SGSM3: variants seen among roughly 807,000 people sequenced by gnomAD.
The protein encoded by SGSM3 is RUN and SH3 containing 3.
A neutral mutation model predicts 100.5 loss-of-function variants in SGSM3; 96 were observed. The ratio of observed to expected loss-of-function variants is 0.96; its 90% CI spans 0.81 to 1.13. SGSM3 has a LOEUF of 1.13. SGSM3 is among the 50% of genes most tolerant of loss of function. The pLI is 0.00. For synonymous variants in SGSM3, 483 were observed against 422.8 expected, an observed-to-expected ratio of 1.14 and a Z score of -1.75; for missense variants, 1,001 against 1,015.8, an observed-to-expected ratio of 0.99 and a Z score of 0.20.
intron 1 of SGSM3, among the ~76,000 whole-genome samples, chr22:40,398,380 A>C (rs1299233468): frequency 1.4e-5 from 2 of 141,104 alleles, no homozygotes; most frequent in Non-Finnish European, 3.1e-5. Flanking sequence ...CTGATGAATG[A>C]ATGAGTGGGA....
intron 1 of SGSM3, among the ~76,000 whole-genome samples, chr22:40,393,797 C>G (rs1168840255): frequency 2.0e-5 from 3 of 152,226 alleles, no homozygotes; most frequent in East Asian, 1.9e-4. Context: ...CTCCTTCCGT[C>G]AAGCCCCTTT....
At chr22:40,389,916 G>GAAAAAAAAA (rs34606137) in intron 1 of SGSM3, among the ~76,000 whole-genome samples, 3 of 104,936 alleles carry the variant, frequency 2.9e-5, no homozygotes, top group Admixed American at 9.2e-5. Context: ...AAAAAAAAAA[G>GAAAAAAAAA]AAAAAAAAAA....
At chr22:40,380,403 G>C (rs1321337208) in intron 1 of SGSM3, among the ~76,000 whole-genome samples, 1 of 135,098 alleles carries the variant, frequency 7.4e-6, no homozygotes, top group Admixed American at 8.3e-5. Flanking sequence ...GTCTCACTCT[G>C]TCACCCAGGC....
chr22:40,409,855 C>A lies in SGSM3; in HGVS notation c.*96C>A, dbSNP rs569889494. On this transcript the variant is annotated 3_prime_UTR_variant, in exon 22 of 22. Transcript: ENST00000248929. ...GGAAGAGCAGCTCCAGAGCCCTGGC[C>A]GGGGCCGCGGGATATCAATATCAGG... 2.7e-6 allele frequency: 4 copies of A among 1,487,272 alleles called. No homozygotes were observed. In the East Asian group the frequency reaches 9.4e-5, roughly 35 times the overall value. The allele number at this position is 1,487,272 out of a possible 1,614,324, so 92.1% of individuals were successfully genotyped here. A position where few individuals can be genotyped will look rare whatever the true frequency, so the allele number is the denominator to read the frequency against.
chr22:40,403,470 G>C (rs1026028295), intron 4 of SGSM3, among the ~76,000 whole-genome samples: 2 of 152,206 alleles, frequency 1.3e-5, no homozygotes, highest in Non-Finnish European at 2.9e-5. Flanking sequence ...TTTAGTGAGG[G>C]AGACAGGCAG....
chr22:40,409,625 A>G (rs1407565265), intron 21 of SGSM3, 57 bp from the exon 22 acceptor site: 4 of 1,613,430 alleles, frequency 2.5e-6, no homozygotes, highest in African/African-American at 1.3e-5. Context: ...GTCAGCGGTT[A>G]GGAACTACCC....
chr22:40,409,653 TGTGAG>T lies in SGSM3; in HGVS notation c.2173-22_2173-18del, dbSNP rs374285146. The T allele has an allele frequency of 9.9e-4, 1,592 of 1,613,104 alleles. 9 individuals carry two copies. The African/African-American group carries it at 0.019, about 20-fold the overall frequency. ...AACTACCCCAGCCATGCCCAAGGCC[TGTGAG>T]GTGAGGGGCTGCCCTGTTTGCAGGC... is the stretch of plus-strand genomic sequence containing the variant. On this transcript the variant is annotated intron_variant, in intron 21 of 21. Transcript: ENST00000248929.
intron 1 of SGSM3, among the ~76,000 whole-genome samples, chr22:40,395,946 G>A (rs900243955): frequency 5.9e-5 from 9 of 152,248 alleles, no homozygotes; most frequent in Admixed American, 3.3e-4. Flanking sequence ...ATTTGCCCAC[G>A]TAGCAGCCAG....
intron 2 of SGSM3, among the ~76,000 whole-genome samples, chr22:40,401,366 G>C (rs1416091745): frequency 6.6e-6 from 1 of 152,070 alleles, no homozygotes; most frequent in Non-Finnish European, 1.5e-5. Context: ...CTATTCTCCT[G>C]CCTCCCGAGT....
chr22:40,390,814 G>A (rs2049250478), intron 1 of SGSM3, among the ~76,000 whole-genome samples: 1 of 152,162 alleles, frequency 6.6e-6, no homozygotes, highest in Non-Finnish European at 1.5e-5. Context: ...GTCAGGTAAA[G>A]AGGAGGGCAT....
chr22:40,393,940 CT>C (rs965562255), intron 1 of SGSM3, among the ~76,000 whole-genome samples: 20 of 152,194 alleles, frequency 1.3e-4, no homozygotes, highest in African/African-American at 4.6e-4. Flanking sequence ...CCAAAGCACT[CT>C]TTCTAGAAAT....
chr22:40,408,453 A>AC (rs775500065), intron 16 of SGSM3, 24 bp downstream of exon 16: 1 of 1,612,398 alleles, frequency 6.2e-7, no homozygotes, highest in South Asian at 1.1e-5. Flanking sequence ...TGGGCCCATG[A>AC]CCCCCACCCT....
At chr22:40,401,728 AG>A in intron 3 of SGSM3, 53 bp downstream of exon 3, 1 of 1,494,666 alleles carries the variant, frequency 6.7e-7, no homozygotes, top group Non-Finnish European at 9.3e-7. Flanking sequence ...TGTGGTATGA[AG>A]GGGACCCAGC....
intron 1 of SGSM3, among the ~76,000 whole-genome samples, chr22:40,383,355 T>C (rs900176325): frequency 1.3e-5 from 2 of 151,568 alleles, no homozygotes; most frequent in African/African-American, 4.9e-5. Context: ...TATTCCCAGC[T>C]ACTCGGGAGG....
rs1246477049 is a variant in SGSM3, at chr22:40,400,827, C to T, written c.7+14C>T. On this transcript the variant is annotated intron_variant, in intron 2 of 21. Coordinates refer to ENST00000248929, the MANE Select transcript of SGSM3 (RefSeq NM_015705.6). The stretch of plus-strand genomic sequence containing the variant: ...GCACAATGTCAGGTAGAGGCAGGGG[C>T]TGGACTTGGAAACGGGGTTTGAAGC... 1 of 1,531,432 alleles carries T rather than the reference C, an allele frequency of 6.5e-7. No individual in the cohort carries two copies. Among genetic ancestry groups the T allele is most frequent in the African/African-American group, 1.4e-5 (1 of 71,528 alleles). 94.9% of individuals were successfully genotyped at this position (1,531,432 alleles called of 1,614,324 possible). A position where few individuals can be genotyped will look rare whatever the true frequency, so the allele number is the denominator to read the frequency against.
chr22:40,373,396 C>T (rs2045943393), intron 1 of SGSM3: 1 of 152,224 alleles, frequency 6.6e-6, no homozygotes, highest in Admixed American at 6.5e-5. Context: ...TTTACTCCTT[C>T]ATTCATTGCA....
At chr22:40,373,460 C>T (rs899239021) in intron 1 of SGSM3, 1 of 152,130 alleles carries the variant, frequency 6.6e-6, no homozygotes, top group Non-Finnish European at 1.5e-5. Flanking sequence ...TTCCTCTCAA[C>T]GATTTATTGA....
chr22:40,384,482 A>C (rs2048107158), intron 1 of SGSM3, among the ~76,000 whole-genome samples: 1 of 152,148 alleles, frequency 6.6e-6, no homozygotes, highest in Non-Finnish European at 1.5e-5. Flanking sequence ...AAAAAAAATT[A>C]AAAAGAAATA....
chr22:40,398,812 T>G (rs961821811), intron 1 of SGSM3, among the ~76,000 whole-genome samples: 1 of 140,982 alleles, frequency 7.1e-6, no homozygotes, highest in African/African-American at 2.6e-5. Flanking sequence ...AAGGCCTTAT[T>G]TGCATCAGCT....
Sources: allele counts gnomAD v4.1 joint callset (sites outside exome capture counted in the v4.1 genomes callset), GRCh38; gene constraint gnomAD v4.1.1; transcripts MANE v1.5; gene names NCBI Gene and HGNC (gene_info 2026-07-23, HGNC 2026-07-21).